The following TSPAN2 variants were observed in gnomAD, a reference collection of about 807,000 sequenced individuals.
TSPAN2 encodes the protein tetraspanin-2.
In TSPAN2, 24 loss-of-function variants were observed where a neutral mutation model predicts 33.3. The ratio of observed to expected loss-of-function variants is 0.72; its 90% confidence interval spans 0.52 to 1.01. TSPAN2 has a LOEUF of 1.01. TSPAN2 is among the 50% of genes least tolerant of loss of function. TSPAN2 has a pLI of 0.00. For missense variants in TSPAN2, 278 were observed against 281.3 expected, an observed-to-expected ratio of 0.99 and a Z score of 0.08; for synonymous variants, 114 against 104.5, an observed-to-expected ratio of 1.09 and a Z score of -0.56.
At chr1:115,067,003 C>T (rs1647977039) in intron 2 of TSPAN2, among the ~76,000 whole-genome samples, 1 of 152,080 alleles carries the variant, frequency 6.6e-6, no homozygotes, top group South Asian at 2.1e-4. Context: ...ATAACAATAG[C>T]CAATATTTAC....
intron 1 of TSPAN2, among the ~76,000 whole-genome samples, chr1:115,075,251 A>G (rs1051392612): frequency 6.6e-6 from 1 of 152,188 alleles, no homozygotes; most frequent in Non-Finnish European, 1.5e-5. Context: ...ATGGGAAAAA[A>G]TCTGCGCTTG....
chr1:115,078,313 T>C (rs1648495237), intron 1 of TSPAN2, among the ~76,000 whole-genome samples: 2 of 152,206 alleles, frequency 1.3e-5, no homozygotes, highest in African/African-American at 2.4e-5. Context: ...AGGGTCTATA[T>C]TGCTGTTTCC....
intron 2 of TSPAN2, among the ~76,000 whole-genome samples, chr1:115,064,356 T>C (rs1453995808): frequency 6.6e-6 from 1 of 152,246 alleles, no homozygotes; most frequent in Non-Finnish European, 1.5e-5. Context: ...CTGCAGAACA[T>C]GCCCATTGCC....
chr1:115,062,334 C>T, intron 2 of TSPAN2, 102 bp from the exon 3 acceptor site: 1 of 827,076 alleles, frequency 1.2e-6, no homozygotes, highest in Non-Finnish European at 1.9e-6. Flanking sequence ...CTAATAGTAC[C>T]AAAAGGAGGT....
intron 1 of TSPAN2, among the ~76,000 whole-genome samples, chr1:115,076,676 C>G (rs150990523): frequency 4.6e-5 from 7 of 152,310 alleles, no homozygotes; most frequent in Admixed American, 2.6e-4. Flanking sequence ...CTTTTTCATA[C>G]AGAAGCAAAA....
At chr1:115,088,939 C>T (rs1164488368) in intron 1 of TSPAN2, among the ~76,000 whole-genome samples, 1 of 152,116 alleles carries the variant, frequency 6.6e-6, no homozygotes, top group Non-Finnish European at 1.5e-5. Flanking sequence ...GGGTTTCTCT[C>T]CCATCACCCT....
chr1:115,088,845 C>T (rs553714563), intron 1 of TSPAN2, among the ~76,000 whole-genome samples: 1 of 152,244 alleles, frequency 6.6e-6, no homozygotes, highest in African/African-American at 2.4e-5. Context: ...ACTCCTATCT[C>T]CAATTTCCTA....
intron 2 of TSPAN2, among the ~76,000 whole-genome samples, chr1:115,072,423 T>A (rs999452736): frequency 3.9e-5 from 6 of 152,198 alleles, no homozygotes; most frequent in African/African-American, 1.4e-4. Context: ...TTTTGAGTTA[T>A]GTTTTTTCCT....
chr1:115,087,552 C>T (rs1246757688), intron 1 of TSPAN2, among the ~76,000 whole-genome samples: 1 of 142,174 alleles, frequency 7.0e-6, no homozygotes, highest in Non-Finnish European at 1.5e-5. Flanking sequence ...GGAGGTGGAG[C>T]TTGCAGTGAG....
rs578108140 is a variant in TSPAN2, at chr1:115,072,237, C to T, written c.172+668G>A. ...GCACCCCACCCCACACTCCTCACCC[C>T]TTCCTACAGAGGTGGGGTCAGAGCT... On this transcript the variant is annotated intron_variant, in intron 2 of 7. Coordinates refer to ENST00000369516, the MANE Select transcript of TSPAN2 (RefSeq NM_005725.6). Among the ~76,000 whole-genome samples the T allele has an allele frequency of 8.7e-4, 133 of 152,244 alleles. 1 individual carries two copies. The highest frequency in any genetic ancestry group is 1.8e-3 in the Admixed American group (28 of 15,308).
intron 6 of TSPAN2, among the ~76,000 whole-genome samples, chr1:115,054,440 G>C (rs1647317266): frequency 2.0e-5 from 3 of 152,148 alleles, no homozygotes; most frequent in South Asian, 4.2e-4. Flanking sequence ...TCACAGTTTA[G>C]AGGACACAGA....
At position 115,072,899 on chromosome 1, in the gene TSPAN2, A is replaced by G. The variant is rs1648236733; in HGVS notation, c.172+6T>C. 6.2e-7 allele frequency: 1 copy of G among 1,608,958 alleles called. No individual in the cohort carries two copies. Among genetic ancestry groups the G allele is most frequent in the Non-Finnish European group, 8.5e-7 (1 of 1,175,338 alleles). ...AGCTGGAGCTTAGGAAGCTGGAGTCACTCACCCACATAGAAATACTCTGGG... is the reference window on the plus strand; with the variant it reads ...AGCTGGAGCTTAGGAAGCTGGAGTCGCTCACCCACATAGAAATACTCTGGG... On this transcript the variant is annotated splice_donor_region_variant and intron_variant, in intron 2 of 7. Coordinates refer to ENST00000369516, the MANE Select transcript of TSPAN2 (RefSeq NM_005725.6).
rs1051170445 is a variant in TSPAN2, at chr1:115,070,353, C to G, written c.172+2552G>C. On this transcript the variant is annotated intron_variant, in intron 2 of 7. Coordinates refer to ENST00000369516, the MANE Select transcript of TSPAN2 (RefSeq NM_005725.6). ...GTGGGTTATACCCTAATTTGTCCGG[C>G]CTGATTATATCAATAATCTGCTTTT... 8.0e-5 allele frequency among the ~76,000 whole-genome samples: 12 copies of G among 149,752 alleles called. No homozygotes were observed. The East Asian group carries it at 2.4e-3, about 29-fold the overall frequency.
At chr1:115,074,526 C>T (rs1648322217) in intron 1 of TSPAN2, among the ~76,000 whole-genome samples, 1 of 151,902 alleles carries the variant, frequency 6.6e-6, no homozygotes, top group Non-Finnish European at 1.5e-5. Flanking sequence ...GCTAAAGGAC[C>T]CGGGATCAAT....
intron 1 of TSPAN2, among the ~76,000 whole-genome samples, chr1:115,081,782 C>A (rs891882457): frequency 5.9e-5 from 9 of 152,276 alleles, no homozygotes; most frequent in Non-Finnish European, 1.2e-4. Context: ...ACCTTCAAAC[C>A]AAAAGCTTAA....
intron 1 of TSPAN2, among the ~76,000 whole-genome samples, chr1:115,083,010 C>G (rs1161086931): frequency 6.6e-6 from 1 of 152,196 alleles, no homozygotes; most frequent in Non-Finnish European, 1.5e-5. Flanking sequence ...TAAACTGAAG[C>G]ATTGTTATTT....
At chr1:115,061,913 C>G (rs1203404669) in intron 3 of TSPAN2, among the ~76,000 whole-genome samples, 2 of 152,118 alleles carry the variant, frequency 1.3e-5, no homozygotes, top group Non-Finnish European at 2.9e-5. Flanking sequence ...CTCAGCCTCC[C>G]AAAGTGCTGG....
At position 115,088,204 on chromosome 1, in the gene TSPAN2, C is replaced by T. The variant is rs1300375198; in HGVS notation, c.69+1160G>A. Among the ~76,000 whole-genome samples, 5 of 152,192 alleles carry T rather than the reference C, an allele frequency of 3.3e-5. No individual in the cohort carries two copies. In the East Asian group the frequency reaches 9.6e-4, roughly 29 times the overall value. On this transcript the variant is annotated intron_variant, in intron 1 of 7. Transcript: ENST00000369516. ...CTGAAGAGCTTGGAGTTGCTGAAGT[C>T]ACCCAGGCATCTGGGCTAATGGATT...
chr1:115,052,041 C>T (rs539729564), intron 7 of TSPAN2, among the ~76,000 whole-genome samples: 1 of 152,292 alleles, frequency 6.6e-6, no homozygotes, highest in Admixed American at 6.5e-5. Context: ...GGGGTGAATG[C>T]TTCTAGGCTG....
Sources: allele counts gnomAD v4.1 joint callset (sites outside exome capture counted in the v4.1 genomes callset), GRCh38; gene constraint gnomAD v4.1.1; transcripts MANE v1.5; gene names NCBI Gene and HGNC (gene_info 2026-07-23, HGNC 2026-07-21).